The following MYRIP variants were observed in gnomAD, a reference collection of about 807,000 sequenced individuals.
MYRIP encodes the protein myosin VIIA and Rab interacting protein.
Under a neutral mutation model 98.0 loss-of-function variants are expected in MYRIP, and 49 were observed. The ratio of observed to expected loss-of-function variants is 0.50; its 90% CI spans 0.40 to 0.63. MYRIP has a LOEUF of 0.63. MYRIP is among the 30% of genes least tolerant of loss of function. MYRIP has a pLI of 0.00. For missense variants in MYRIP, 1,004 were observed against 1,058.2 expected, an observed-to-expected ratio of 0.95 and a Z score of 0.71; for synonymous variants, 404 against 409.5, an observed-to-expected ratio of 0.99 and a Z score of 0.16.
At chr3:40,214,114 A>G (rs1295569625) in intron 11 of MYRIP, among the ~76,000 whole-genome samples, 1 of 152,188 alleles carries the variant, frequency 6.6e-6, no homozygotes, top group East Asian at 1.9e-4. Context: ...TCTCAGGGTC[A>G]TCTTCTGGGG....
chr3:40,043,101 A>G (rs900193707), intron 2 of MYRIP, among the ~76,000 whole-genome samples: 3 of 152,192 alleles, frequency 2.0e-5, no homozygotes, highest in Admixed American at 1.3e-4. Flanking sequence ...GAAAAATCAT[A>G]AGTTGAACCA....
chr3:40,250,297 A>T lies in MYRIP; in HGVS notation c.2338A>T (p.Arg780Ter). ...LNIAPCVRFTRRRDQKQRTQV... is the reference protein window; with the variant it reads ...LNIAPCVRFT ...CATAGCACCATGTGTGCGCTTCACA[A>T]GAAGACGGGATCAGAAGCAAAGGAC... The change falls in exon 14 of 17, where the codon AGA (arginine) becomes TGA (stop). Residue 780 changes from arginine to a stop codon, truncating the protein, a stop_gained. Coordinates refer to ENST00000302541, the MANE Select transcript of MYRIP (RefSeq NM_015460.4). LOFTEE classifies it high-confidence loss of function. 6.2e-7 allele frequency: 1 copy of T among 1,614,154 alleles called. No individual in the cohort carries two copies. The highest frequency in any genetic ancestry group is 8.5e-7 in the Non-Finnish European group (1 of 1,179,972).
At chr3:40,250,597 G>A (rs935395385) in intron 15 of MYRIP, 98 bp downstream of exon 15, 1 of 1,360,910 alleles carries the variant, frequency 7.3e-7, no homozygotes. Flanking sequence ...AGATCTAATG[G>A]AGTGTTCTCA....
chr3:40,189,257 AAGTCCTTTCCAG>A (rs1400182890), intron 9 of MYRIP, among the ~76,000 whole-genome samples: 3 of 152,186 alleles, frequency 2.0e-5, no homozygotes. Context: ...TTTTGGCCTC[AAGTCCTTTCCAG>A]AGTGAGGCAT....
At chr3:40,178,352 A>C (rs1182003433) in intron 8 of MYRIP, among the ~76,000 whole-genome samples, 1 of 152,194 alleles carries the variant, frequency 6.6e-6, no homozygotes, top group Admixed American at 6.5e-5. Context: ...GTTTTGCCCA[A>C]AGCTTCGGGA....
In MYRIP at chr3:39,992,560, G is replaced by A. The variant is rs189975539; in HGVS notation, c.111-51490G>A. Among the ~76,000 whole-genome samples, 8 of 152,206 alleles carry A rather than the reference G, an allele frequency of 5.3e-5. No individual in the cohort carries two copies. The East Asian group carries it at 9.7e-4, about 18-fold the overall frequency. ...GTGCTTGCCATCTGAATGTACTACC[G>A]ACCATGATCCTTGTTCTAGCCATCT... On this transcript the variant is annotated intron_variant, in intron 2 of 16. Transcript: ENST00000302541.
chr3:40,192,319 T>TG (rs111696896), intron 10 of MYRIP, among the ~76,000 whole-genome samples: 3 of 21,716 alleles, frequency 1.4e-4, no homozygotes, highest in Admixed American at 6.8e-4. Context: ...CATATATATA[T>TG]ATATATGTCA....
At chr3:40,248,604 A>G (rs544942686) in intron 13 of MYRIP, 2 of 152,324 alleles carry the variant, frequency 1.3e-5, no homozygotes, top group South Asian at 4.1e-4. Context: ...CCAGAACCTG[A>G]TAGTCCACAA....
chr3:39,938,452 ATGACCCTAT>A (rs1327752384), intron 2 of MYRIP, among the ~76,000 whole-genome samples: 1 of 152,066 alleles, frequency 6.6e-6, no homozygotes, highest in African/African-American at 2.4e-5. Flanking sequence ...CTATATTCTT[ATGACCCTAT>A]GGCTGCATTT....
chr3:39,891,859 A>C (rs1943496556), intron 1 of MYRIP, among the ~76,000 whole-genome samples: 1 of 151,810 alleles, frequency 6.6e-6, no homozygotes, highest in Non-Finnish European at 1.5e-5. Flanking sequence ...GATTCTTTTA[A>C]ATTTTAGGAC....
At chr3:40,139,196 C>T (rs1301589858) in intron 3 of MYRIP, among the ~76,000 whole-genome samples, 1 of 152,062 alleles carries the variant, frequency 6.6e-6, no homozygotes, top group African/African-American at 2.4e-5. Flanking sequence ...TGTATATATA[C>T]CATATTTTTT....
At chr3:40,059,372 T>C (rs974237732) in intron 3 of MYRIP, among the ~76,000 whole-genome samples, 3 of 152,238 alleles carry the variant, frequency 2.0e-5, no homozygotes, top group Admixed American at 6.5e-5. Flanking sequence ...TCTTCCACAA[T>C]AGTTGAACTA....
chr3:39,889,582 T>A (rs1156555364), intron 1 of MYRIP, among the ~76,000 whole-genome samples: 1 of 152,166 alleles, frequency 6.6e-6, no homozygotes, highest in Admixed American at 6.6e-5. Flanking sequence ...TAATGCTAGA[T>A]GACGAGTTAG....
At chr3:40,213,227 T>A (rs777540598) in intron 11 of MYRIP, among the ~76,000 whole-genome samples, 1 of 152,194 alleles carries the variant, frequency 6.6e-6, no homozygotes. Context: ...CAGGTTTTCA[T>A]TGTTGATTGA....
At chr3:40,173,222 A>G (rs1375477250) in intron 8 of MYRIP, 1 of 152,180 alleles carries the variant, frequency 6.6e-6, no homozygotes, top group Non-Finnish European at 1.5e-5. Context: ...ACCCTGCATT[A>G]TCCCCATTTT....
intron 1 of MYRIP, among the ~76,000 whole-genome samples, chr3:39,869,344 C>A (rs1942715355): frequency 6.6e-6 from 1 of 151,902 alleles, no homozygotes; most frequent in Non-Finnish European, 1.5e-5. Context: ...ACTGTTGAGC[C>A]CTTCTAGTGA....
At chr3:39,969,296 A>G (rs1945518784) in intron 2 of MYRIP, among the ~76,000 whole-genome samples, 1 of 152,010 alleles carries the variant, frequency 6.6e-6, no homozygotes, top group South Asian at 2.1e-4. Flanking sequence ...CTCTTTTCCT[A>G]TTTGGATCCC....
chr3:40,179,028 C>G (rs564137600), intron 8 of MYRIP, among the ~76,000 whole-genome samples: 2 of 152,262 alleles, frequency 1.3e-5, no homozygotes, highest in East Asian at 3.9e-4. Context: ...AGAGTCTGTG[C>G]GTAGGAAAGA....
At chr3:39,881,553 A>G (rs1466736210) in intron 1 of MYRIP, among the ~76,000 whole-genome samples, 2 of 152,194 alleles carry the variant, frequency 1.3e-5, no homozygotes, top group Non-Finnish European at 2.9e-5. Context: ...AGTGAGTCAG[A>G]GGCCTCAATG....
Sources: gnomAD v4.1 joint callset for allele counts (sites outside exome capture counted in the v4.1 genomes callset) on GRCh38, gnomAD v4.1.1 for gene constraint, MANE v1.5 for transcripts, NCBI Gene and HGNC (gene_info 2026-07-23, HGNC 2026-07-21) for gene names.